Variants in PPFIBP1 observed in about 807,000 individuals in gnomAD.
PPFIBP1 encodes PPFIB scaffold protein 1.
Under a neutral mutation model 137.8 loss-of-function variants are expected in PPFIBP1, and 112 were observed. That is an observed-to-expected ratio of 0.81 (90% CI 0.70 to 0.95). The LOEUF (loss-of-function observed/expected upper bound fraction) is 0.95. Ranked by LOEUF, PPFIBP1 falls within the 40% of genes least tolerant of loss-of-function variation. The pLI, the probability that PPFIBP1 is intolerant of heterozygous loss-of-function variation, is 0.00. For synonymous variants in PPFIBP1, 378 were observed against 417.3 expected (o/e 0.91, Z 1.15); for missense variants, 1,083 against 1,196.6 (o/e 0.91, Z 1.40).
chr12:27,691,680 G>A (rs2061556307), intron 27 of PPFIBP1, 69 bp from the exon 28 acceptor site: 18 of 1,327,250 alleles, frequency 1.4e-5, no homozygotes, highest in Non-Finnish European at 1.8e-5. Context: ...AAAATCACAT[G>A]TTATCAGGCC....
chr12:27,586,317 G>A (rs1482511695), intron 2 of PPFIBP1, among the ~76,000 whole-genome samples: 1 of 152,224 alleles, frequency 6.6e-6, no homozygotes, highest in Non-Finnish European at 1.5e-5. Flanking sequence ...TATTTGCCAA[G>A]TGGTCAGTAT....
intron 2 of PPFIBP1, among the ~76,000 whole-genome samples, chr12:27,623,209 A>G (rs981734055): frequency 6.6e-6 from 1 of 152,188 alleles, no homozygotes; most frequent in African/African-American, 2.4e-5. Flanking sequence ...TAGAGCAATA[A>G]CAAGTTGAAA....
chr12:27,565,037 T>C (rs2049524547), intron 1 of PPFIBP1, among the ~76,000 whole-genome samples: 1 of 152,218 alleles, frequency 6.6e-6, no homozygotes, highest in Non-Finnish European at 1.5e-5. Flanking sequence ...TCATCTCCTG[T>C]TGACTTCCCA....
chr12:27,535,406 GTTTGT>G (rs142453813), intron 1 of PPFIBP1, among the ~76,000 whole-genome samples: 25,358 of 151,890 alleles, frequency 0.17, 2,352 homozygotes, highest in Middle Eastern at 0.26. Flanking sequence ...TGTTGTTGTT[GTTTGT>G]TTTGTTTTGT....
chr12:27,643,445 G>A lies in PPFIBP1; in HGVS notation c.271-2617G>A, dbSNP rs527865591. Among the ~76,000 whole-genome samples the A allele has an allele frequency of 3.0e-5, 4 of 132,618 alleles. 1 individual carries two copies. The highest frequency in any genetic ancestry group is 4.4e-4 in the East Asian group (2 of 4,570). 87.0% of individuals were successfully genotyped at this position (132,618 alleles called of 152,430 possible). Reference sequence around the variant, plus strand: ...CAGAGTAATGCCTGCTGTAATGAAGGTTCATGTAGATACTGTCGCTGGCAT... The same window carrying A: ...CAGAGTAATGCCTGCTGTAATGAAGATTCATGTAGATACTGTCGCTGGCAT... On this transcript the variant is annotated intron_variant, in intron 4 of 29. Coordinates refer to ENST00000228425, the MANE Select transcript of PPFIBP1 (RefSeq NM_003622.4).
Position 27,593,374 on chromosome 12 carries a change from A to G in PPFIBP1, c.-36+15135A>G, listed in dbSNP as rs143650592. ...GTTCAACCCAGGCCTATCCCTTCCTATCCTATGAGGCATCTCTGTGCTCAC... is the reference window on the plus strand; with the variant it reads ...GTTCAACCCAGGCCTATCCCTTCCTGTCCTATGAGGCATCTCTGTGCTCAC... On this transcript the variant is annotated intron_variant, in intron 2 of 29. Coordinates refer to ENST00000228425, the MANE Select transcript of PPFIBP1 (RefSeq NM_003622.4). 32 of 451,288 alleles carry G rather than the reference A, an allele frequency of 7.1e-5. No individual in the cohort carries two copies. The East Asian group carries it at 1.8e-3, about 26-fold the overall frequency. The allele number at this position is 451,288 out of a possible 1,614,324, so 28.0% of individuals were successfully genotyped here.
intron 1 of PPFIBP1, among the ~76,000 whole-genome samples, chr12:27,554,283 A>T (rs1167560424): frequency 6.6e-6 from 1 of 152,202 alleles, no homozygotes; most frequent in Non-Finnish European, 1.5e-5. Flanking sequence ...CAGCCTAGTG[A>T]AGCTGTTCCC....
chr12:27,559,959 A>T (rs572131778), intron 1 of PPFIBP1, among the ~76,000 whole-genome samples: 10 of 152,354 alleles, frequency 6.6e-5, no homozygotes, highest in African/African-American at 2.2e-4. Flanking sequence ...TGTGATTTGA[A>T]TTAGAATGTA....
chr12:27,619,336 T>A (rs975993198), intron 2 of PPFIBP1, among the ~76,000 whole-genome samples: 2 of 152,184 alleles, frequency 1.3e-5, no homozygotes, highest in Non-Finnish European at 2.9e-5. Flanking sequence ...GTTGTGTTGT[T>A]TAGGGAATAA....
intron 2 of PPFIBP1, chr12:27,592,706 C>G (rs2052667477): frequency 8.2e-7 from 1 of 1,220,952 alleles, no homozygotes; most frequent in African/African-American, 1.5e-5. Context: ...ATTGAGATCT[C>G]TGGAGCACTT....
At chr12:27,668,672 C>T (rs2060006086) in intron 13 of PPFIBP1, among the ~76,000 whole-genome samples, 1 of 152,242 alleles carries the variant, frequency 6.6e-6, no homozygotes, top group African/African-American at 2.4e-5. Flanking sequence ...TTATAATTCA[C>T]TGCATTACAG....
At chr12:27,692,687 T>C in intron 29 of PPFIBP1, 31 bp downstream of exon 29, 1 of 1,614,034 alleles carries the variant, frequency 6.2e-7, no homozygotes, top group Middle Eastern at 1.6e-4. Flanking sequence ...GAAAATGTTA[T>C]TCTATAAATG....
rs527633057 is a variant in PPFIBP1, at chr12:27,693,357, A to G, written c.*475A>G. The G allele has an allele frequency of 1.3e-5, 2 of 153,438 alleles. No individual in the cohort carries two copies. The highest frequency in any genetic ancestry group is 4.8e-5 in the African/African-American group (2 of 41,542). The allele number at this position is 153,438 out of a possible 1,614,324, so 9.5% of individuals were successfully genotyped here. On this transcript the variant is annotated 3_prime_UTR_variant, in exon 30 of 30. Coordinates refer to ENST00000228425, the MANE Select transcript of PPFIBP1 (RefSeq NM_003622.4). ...CCAGCCACACCTCCACTTGCCTCTT[A>G]TTGTCTTATTTTTATATATTTTTCT...
chr12:27,653,264 T>A (rs1254880418), intron 7 of PPFIBP1, among the ~76,000 whole-genome samples: 1 of 152,144 alleles, frequency 6.6e-6, no homozygotes, highest in Non-Finnish European at 1.5e-5. Context: ...GAATTTGTGA[T>A]GCAGGAATAC....
intron 1 of PPFIBP1, among the ~76,000 whole-genome samples, chr12:27,577,284 C>A (rs1460760947): frequency 5.9e-5 from 9 of 151,804 alleles, no homozygotes; most frequent in Admixed American, 2.0e-4. Context: ...TGGAGCTGAT[C>A]CTTTTGCTTC....
At chr12:27,533,414 A>G (rs574238086) in intron 1 of PPFIBP1, among the ~76,000 whole-genome samples, 1 of 152,294 alleles carries the variant, frequency 6.6e-6, no homozygotes, top group South Asian at 2.1e-4. Context: ...TTAATCCCAT[A>G]TTACGATGAG....
chr12:27,574,735 A>T (rs2045849), intron 1 of PPFIBP1, among the ~76,000 whole-genome samples: 107,803 of 152,058 alleles, frequency 0.71, 38,920 homozygotes, highest in Middle Eastern at 0.9. Context: ...AAATGAGCTC[A>T]GGAGCTGGAC....
At chr12:27,627,142 A>G (rs1565895541) in intron 2 of PPFIBP1, among the ~76,000 whole-genome samples, 1 of 152,194 alleles carries the variant, frequency 6.6e-6, no homozygotes, top group Non-Finnish European at 1.5e-5. Context: ...TTATAAATGT[A>G]CAGTAAATTA....
intron 3 of PPFIBP1, 142 bp downstream of exon 3, chr12:27,633,602 T>C (rs2057413235): frequency 3.0e-6 from 2 of 662,906 alleles, no homozygotes; most frequent in Non-Finnish European, 5.0e-6. Context: ...TTCATCTTTG[T>C]TCCTCTTCTC....
Sources: gnomAD v4.1 joint callset for allele counts (sites outside exome capture counted in the v4.1 genomes callset) on GRCh38, gnomAD v4.1.1 for gene constraint, MANE v1.5 for transcripts, NCBI Gene and HGNC (gene_info 2026-07-23, HGNC 2026-07-21) for gene names.